The following NCSTN variants were observed in gnomAD, a reference collection of about 807,000 sequenced individuals.
NCSTN encodes anterior pharynx-defective 2.
In NCSTN, 22 loss-of-function variants were observed where a neutral mutation model predicts 87.0. The observed-to-expected ratio is 0.25, with a 90% CI of 0.18 to 0.36. The LOEUF (loss-of-function observed/expected upper bound fraction) is 0.36, where lower values mean the gene tolerates loss of function less well. Ranked by LOEUF, NCSTN falls within the 10% of genes least tolerant of loss-of-function variation. The pLI is 1.00. For missense variants in NCSTN, 693 were observed against 883.3 expected (o/e 0.78, Z 2.73); for synonymous variants, 306 against 327.1 (o/e 0.94, Z 0.69).
In NCSTN at chr1:160,343,492, C is replaced by T; in HGVS notation, c.85+11C>T. Reference sequence around the variant, plus strand: ...GCGTCCTACTAGCAGGTGAGGCCTCCCCGCCCGTGAGCTCCGTTCTCTAAG... The same window carrying T: ...GCGTCCTACTAGCAGGTGAGGCCTCTCCGCCCGTGAGCTCCGTTCTCTAAG... On this transcript the variant is annotated intron_variant, in intron 1 of 16. Coordinates refer to ENST00000294785, the MANE Select transcript of NCSTN (RefSeq NM_015331.3). 2.5e-6 allele frequency: 4 copies of T among 1,599,776 alleles called. No homozygotes were observed. Among genetic ancestry groups the T allele is most frequent in the Non-Finnish European group, 3.4e-6 (4 of 1,174,108 alleles).
chr1:160,351,618 C>G, intron 6 of NCSTN, 78 bp from the exon 7 acceptor site: 2 of 1,385,246 alleles, frequency 1.4e-6, no homozygotes, highest in Non-Finnish European at 2.1e-6. Flanking sequence ...GGGCACTGGT[C>G]AGAGATTTCC....
intron 8 of NCSTN, 122 bp from the exon 9 acceptor site, chr1:160,352,765 C>T: frequency 1.3e-6 from 1 of 770,944 alleles, no homozygotes; most frequent in South Asian, 1.5e-5. Context: ...TGTAAGCTGA[C>T]TAGCAGTTGA....
chr1:160,344,055 T>A (rs1425268590), intron 1 of NCSTN, among the ~76,000 whole-genome samples: 1 of 151,426 alleles, frequency 6.6e-6, no homozygotes, highest in Non-Finnish European at 1.5e-5. Flanking sequence ...AAGGAACTTT[T>A]GGCATTTATA....
Position 160,358,464 on chromosome 1 carries a change from T to C in NCSTN, c.*193T>C, listed in dbSNP as rs1266610108. 7 of 706,988 alleles carry C rather than the reference T, an allele frequency of 9.9e-6. No homozygotes were observed. Among genetic ancestry groups the C allele is most frequent in the African/African-American group, 7.1e-5 (4 of 56,718 alleles). The allele number at this position is 706,988 out of a possible 1,614,324, so 43.8% of individuals were successfully genotyped here. On this transcript the variant is annotated 3_prime_UTR_variant, in exon 17 of 17. Coordinates refer to ENST00000294785, the MANE Select transcript of NCSTN (RefSeq NM_015331.3). ...TTGCCTCCCTTCCTCCGCTCCCCTTTCCCATCACCCCTTCCCCATTTCCTC... is the reference window on the plus strand; with the variant it reads ...TTGCCTCCCTTCCTCCGCTCCCCTTCCCCATCACCCCTTCCCCATTTCCTC...
In NCSTN at chr1:160,352,869, C is replaced by T; in HGVS notation, c.997-18C>T. The T allele has an allele frequency of 1.9e-6, 3 of 1,600,674 alleles. No homozygotes were observed. The highest frequency in any genetic ancestry group is 8.6e-7 in the Non-Finnish European group (1 of 1,167,754). ...TTTGGAATCTCTGTTCCCCCTCCCA[C>T]CTACCTCCATCTCTCAGGAAACTTT... is the stretch of plus-strand genomic sequence containing the variant. On this transcript the variant is annotated intron_variant, in intron 8 of 16. Coordinates refer to ENST00000294785, the MANE Select transcript of NCSTN (RefSeq NM_015331.3).
At chr1:160,356,564 C>T (rs1490708276) in intron 14 of NCSTN, 36 bp from the exon 15 acceptor site, 1 of 1,613,424 alleles carries the variant, frequency 6.2e-7, no homozygotes, top group South Asian at 1.1e-5. Flanking sequence ...CACCATCCAC[C>T]CACCAAATCT....
intron 1 of NCSTN, 133 bp from the exon 2 acceptor site, chr1:160,344,588 GA>G: frequency 6.4e-7 from 1 of 1,552,744 alleles, no homozygotes. Flanking sequence ...GAAATCAGAA[GA>G]ATGGACTTTA....
chr1:160,355,836 A>G (rs773279258), intron 12 of NCSTN, 27 bp from the exon 13 acceptor site: 1 of 1,608,082 alleles, frequency 6.2e-7, no homozygotes, highest in East Asian at 2.2e-5. Context: ...GAGGTGGGCC[A>G]TTCAGCCCCC....
chr1:160,350,030 C>G, intron 4 of NCSTN, 75 bp from the exon 5 acceptor site: 1 of 1,544,356 alleles, frequency 6.5e-7, no homozygotes, highest in Non-Finnish European at 9.0e-7. Flanking sequence ...CTGAAAGATT[C>G]TTCTGCCGTC....
At chr1:160,357,550 A>G (rs1039836133) in intron 16 of NCSTN, among the ~76,000 whole-genome samples, 2 of 152,178 alleles carry the variant, frequency 1.3e-5, no homozygotes, top group African/African-American at 2.4e-5. Flanking sequence ...GATTACAGGC[A>G]TGTGTCACCA....
At chr1:160,355,004 G>C (rs890389729) in intron 11 of NCSTN, among the ~76,000 whole-genome samples, 7 of 152,314 alleles carry the variant, frequency 4.6e-5, no homozygotes, top group African/African-American at 1.7e-4. Flanking sequence ...AGGGTCAGCT[G>C]TCTTCTCTAA....
At chr1:160,349,433 A>G in intron 3 of NCSTN, 116 bp from the exon 4 acceptor site, 1 of 1,403,780 alleles carries the variant, frequency 7.1e-7, no homozygotes, top group Non-Finnish European at 1.0e-6. Flanking sequence ...GAAAGGGAAG[A>G]AATAAGTCAA....
In NCSTN at chr1:160,344,595, C is replaced by T. The variant is rs142623098; in HGVS notation, c.86-127C>T. On this transcript the variant is annotated intron_variant, in intron 1 of 16. Transcript: ENST00000294785. ...GTGCCCAAGAAATCAGAAGAATGGA[C>T]TTTAATCTCATTTTAGAAAGTATGA... 170 of 1,553,386 alleles carry T rather than the reference C, an allele frequency of 1.1e-4. No homozygotes were observed. In the East Asian group the frequency reaches 4.1e-3, roughly 38 times the overall value.
rs1427898757 is a variant in NCSTN at position 160,352,914 on chromosome 1, A to C, written c.1024A>C (p.Arg342=). The change falls in exon 9 of 17, where the codon AGG becomes CGG. Residue 342 remains arginine, a synonymous_variant. Transcript: ENST00000294785. ...AACTTTTGACTACATTGGCAGCTCG[A>C]GGATGGTCTACGATATGGAGAAGGG... ...GETFDYIGSS[R]MVYDMEKGKF... 6.2e-7 allele frequency: 1 copy of C among 1,614,042 alleles called. No homozygotes were observed. The highest frequency in any genetic ancestry group is 2.2e-5 in the East Asian group (1 of 44,890).
intron 2 of NCSTN, among the ~76,000 whole-genome samples, chr1:160,346,199 C>T (rs1319406245): frequency 6.6e-6 from 1 of 152,118 alleles, no homozygotes; most frequent in Admixed American, 6.5e-5. Flanking sequence ...ATAGCTCTGT[C>T]AGAATGTAGT....
In NCSTN at chr1:160,343,693, C is replaced by G. The variant is rs1014361628; in HGVS notation, c.85+212C>G. On this transcript the variant is annotated intron_variant, in intron 1 of 16. Transcript: ENST00000294785. ...CCGCAGCACGTCGTGTCGCTTCACT[C>G]CCTTCTCTAGGCCTCTTCCTGGACT... 2.4e-5 allele frequency: 17 copies of G among 714,056 alleles called. 1 individual carries two copies. Among genetic ancestry groups the G allele is most frequent in the Admixed American group, 1.6e-4 (8 of 49,698 alleles). The allele number at this position is 714,056 out of a possible 1,614,324, so 44.2% of individuals were successfully genotyped here.
intron 6 of NCSTN, 23 bp downstream of exon 6, chr1:160,351,395 G>C: frequency 6.2e-7 from 1 of 1,612,818 alleles, no homozygotes; most frequent in Non-Finnish European, 8.5e-7. Flanking sequence ...CGAACCATGA[G>C]GGTAATGGAA....
chr1:160,357,581 A>AT (rs1183400670), intron 16 of NCSTN, among the ~76,000 whole-genome samples: 7 of 151,874 alleles, frequency 4.6e-5, no homozygotes, highest in African/African-American at 1.7e-4. Context: ...ATTTTTTTTT[A>AT]TTTTTAGTAG....
intron 11 of NCSTN, 133 bp from the exon 12 acceptor site, chr1:160,355,519 ATCC>A (rs1331096632): frequency 5.5e-6 from 4 of 724,548 alleles, no homozygotes; most frequent in Non-Finnish European, 9.9e-6. Context: ...GCAATATGGG[ATCC>A]TGATTGTCTC....
Sources: gnomAD v4.1 joint callset for allele counts (sites outside exome capture counted in the v4.1 genomes callset) on GRCh38, gnomAD v4.1.1 for gene constraint, MANE v1.5 for transcripts, NCBI Gene and HGNC (gene_info 2026-07-23, HGNC 2026-07-21) for gene names.